The following TNNI3K variants were observed in gnomAD, a reference collection of about 807,000 sequenced individuals.
The protein encoded by TNNI3K is TNNI3 interacting kinase, also known as serine/threonine-protein kinase TNNI3K.
Under a neutral mutation model 114.5 loss-of-function variants are expected in TNNI3K, and 140 were observed. The observed-to-expected ratio is 1.22, with a 90% CI of 1.07 to 1.41. The LOEUF (loss-of-function observed/expected upper bound fraction) is 1.41, where lower values mean the gene tolerates loss of function less well. TNNI3K is among the 40% of genes most tolerant of loss of function. The pLI is 0.00. For missense variants in TNNI3K, 1,125 were observed against 1,007.6 expected (o/e 1.12, Z -1.58); for synonymous variants, 347 against 347.5 (o/e 1.00, Z 0.02).
chr1:74,522,133 G>A (rs1411416506), intron 23 of TNNI3K, among the ~76,000 whole-genome samples: 1 of 152,096 alleles, frequency 6.6e-6, no homozygotes, highest in African/African-American at 2.4e-5. Context: ...AAAAAATCTG[G>A]TTCAGGCACT....
chr1:74,436,423 C>A, intron 18 of TNNI3K, 51 bp from the exon 19 acceptor site: 1 of 1,527,370 alleles, frequency 6.5e-7, no homozygotes. Context: ...GATCTTTTAC[C>A]TTGGTTTTAA....
At chr1:74,459,571 A>G (rs1288271331) in intron 20 of TNNI3K, among the ~76,000 whole-genome samples, 4 of 152,234 alleles carry the variant, frequency 2.6e-5, no homozygotes, top group Non-Finnish European at 5.9e-5. Context: ...AGGCATTCAC[A>G]TATTTCTTAT....
chr1:74,336,233 C>A (rs978456240), intron 7 of TNNI3K, 84 bp downstream of exon 7: 5 of 1,472,180 alleles, frequency 3.4e-6, no homozygotes, highest in African/African-American at 2.9e-5. Flanking sequence ...AGAGAATAAT[C>A]TTGAAGTTGA....
chr1:74,463,163 A>G (rs1047686056), intron 20 of TNNI3K, among the ~76,000 whole-genome samples: 2 of 152,230 alleles, frequency 1.3e-5, no homozygotes, highest in African/African-American at 4.8e-5. Context: ...TACTTCAGAC[A>G]AACAAAACTA....
chr1:74,281,929 G>T (rs933458763), intron 5 of TNNI3K, among the ~76,000 whole-genome samples: 1 of 151,996 alleles, frequency 6.6e-6, no homozygotes, highest in African/African-American at 2.4e-5. Context: ...TTTCCTAATT[G>T]CAGTGGTTGA....
intron 24 of TNNI3K, chr1:74,541,389 G>A (rs1646724961): frequency 6.6e-6 from 1 of 152,194 alleles, no homozygotes. Flanking sequence ...TACATATCTA[G>A]AATGCAGATG....
chr1:74,248,431 C>G (rs1327013297), intron 2 of TNNI3K, among the ~76,000 whole-genome samples: 1 of 152,122 alleles, frequency 6.6e-6, no homozygotes, highest in Non-Finnish European at 1.5e-5. Context: ...GTGCCGAGAG[C>G]GAGCGAGGGC....
intron 17 of TNNI3K, among the ~76,000 whole-genome samples, chr1:74,411,206 T>C (rs558446039): frequency 6.6e-6 from 1 of 152,186 alleles, no homozygotes; most frequent in Non-Finnish European, 1.5e-5. Context: ...AAGATAATAG[T>C]GTGACAATTT....
intron 5 of TNNI3K, among the ~76,000 whole-genome samples, chr1:74,276,253 T>C (rs1427390375): frequency 6.6e-6 from 1 of 152,084 alleles, no homozygotes; most frequent in Non-Finnish European, 1.5e-5. Flanking sequence ...CGTAAATTTT[T>C]AGAAATTATA....
intron 6 of TNNI3K, among the ~76,000 whole-genome samples, chr1:74,335,202 T>A (rs1660403190): frequency 6.6e-6 from 1 of 152,184 alleles, no homozygotes; most frequent in Non-Finnish European, 1.5e-5. Context: ...TTATTCCCAT[T>A]GCACATATGA....
At chr1:74,519,792 CTTTAAG>C (rs964084599) in intron 23 of TNNI3K, among the ~76,000 whole-genome samples, 3 of 152,086 alleles carry the variant, frequency 2.0e-5, no homozygotes, top group African/African-American at 7.2e-5. Context: ...CAAGCCAAAG[CTTTAAG>C]TTTATAATGT....
At chr1:74,346,049 G>C (rs890027572) in intron 9 of TNNI3K, 1 of 152,158 alleles carries the variant, frequency 6.6e-6, no homozygotes, top group African/African-American at 2.4e-5. Context: ...TCTACAATTT[G>C]TAATGTGATT....
intron 24 of TNNI3K, chr1:74,541,689 G>A (rs1366664376): frequency 2.0e-5 from 3 of 152,152 alleles, no homozygotes. Flanking sequence ...AGAAGTAAGA[G>A]AAATGTGATG....
chr1:74,298,425 G>C (rs113597966), intron 5 of TNNI3K, among the ~76,000 whole-genome samples: 3 of 152,170 alleles, frequency 2.0e-5, no homozygotes, highest in African/African-American at 7.2e-5. Context: ...ATTTGTGTAT[G>C]TCCGATTTAA....
At chr1:74,248,747 G>A (rs1389961855) in intron 2 of TNNI3K, among the ~76,000 whole-genome samples, 1 of 152,036 alleles carries the variant, frequency 6.6e-6, no homozygotes, top group East Asian at 1.9e-4. Context: ...TCCCCAGAGG[G>A]TAGCCATAGA....
At position 74,369,383 on chromosome 1, in the gene TNNI3K, A is replaced by G. The variant is rs200500170; in HGVS notation, c.1473-8A>G. ...TTACTGAAGATTTTCTGTTGCTGCC[A>G]TTTCCAGTTATCGAGCCAATACCTA... On this transcript the variant is annotated splice_polypyrimidine_tract_variant and splice_region_variant and intron_variant, in intron 15 of 24. Transcript: ENST00000326637. The G allele has an allele frequency of 6.8e-6, 11 of 1,607,092 alleles. No individual in the cohort carries two copies. Among genetic ancestry groups the G allele is most frequent in the Admixed American group, 6.8e-5 (4 of 59,240 alleles).
chr1:74,412,708 G>C (rs1222695064), intron 17 of TNNI3K, among the ~76,000 whole-genome samples: 3 of 152,130 alleles, frequency 2.0e-5, no homozygotes, highest in Non-Finnish European at 2.9e-5. Context: ...TCCCCCTCCA[G>C]GGTTCCAGCA....
At chr1:74,417,898 T>C (rs1309755975) in intron 17 of TNNI3K, among the ~76,000 whole-genome samples, 1 of 151,954 alleles carries the variant, frequency 6.6e-6, no homozygotes, top group Non-Finnish European at 1.5e-5. Flanking sequence ...TGCTAAAAAA[T>C]AAAAATCTAA....
chr1:74,236,609 G>A (rs759545198), intron 2 of TNNI3K, among the ~76,000 whole-genome samples: 32 of 151,604 alleles, frequency 2.1e-4, no homozygotes, highest in Non-Finnish European at 3.4e-4. Flanking sequence ...GAACTATGAC[G>A]GTAAGTCCAA....
Sources: gnomAD v4.1 joint callset for allele counts (sites outside exome capture counted in the v4.1 genomes callset) on GRCh38, gnomAD v4.1.1 for gene constraint, MANE v1.5 for transcripts, NCBI Gene and HGNC (gene_info 2026-07-23, HGNC 2026-07-21) for gene names.